Variants in TOX observed in about 807,000 individuals in gnomAD.
TOX encodes the protein thymocyte selection associated high mobility group box, also known as thymocyte selection-associated high mobility group box protein TOX.
In TOX, 11 loss-of-function variants were observed where a neutral mutation model predicts 53.7. That is an observed-to-expected ratio of 0.20 (90% CI 0.13 to 0.34). TOX has a LOEUF of 0.34. Ranked by LOEUF, TOX falls within the 10% of genes least tolerant of loss-of-function variation. TOX has a pLI of 1.00. For missense variants in TOX, 570 were observed against 664.6 expected, an observed-to-expected ratio of 0.86 and a Z score of 1.56; for synonymous variants, 225 against 245.3, an observed-to-expected ratio of 0.92 and a Z score of 0.77.
At chr8:58,967,675 G>A (rs1812929821) in intron 1 of TOX, among the ~76,000 whole-genome samples, 1 of 152,192 alleles carries the variant, frequency 6.6e-6, no homozygotes, top group South Asian at 2.1e-4. Context: ...GATGTCCTCT[G>A]TAGCACCTCT....
Position 59,118,513 on chromosome 8 carries a change from A to G in TOX, c.102+373T>C, listed in dbSNP as rs1283127869. 6.6e-6 allele frequency among the ~76,000 whole-genome samples: 1 copy of G among 152,186 alleles called. No individual in the cohort carries two copies. Among genetic ancestry groups the G allele is most frequent in the East Asian group, 1.9e-4 (1 of 5,180 alleles). ...GGGAGAGAGAAGGGGGAACTGGGAA[A>G]TAAACTGAATTCTCTTACTCTGCCT... is the stretch of plus-strand genomic sequence containing the variant. On this transcript the variant is annotated intron_variant, in intron 1 of 8. Transcript: ENST00000361421. The surrounding 1 kb of genome is among the most constrained non-coding windows in gnomAD (Gnocchi z 4.1).
intron 1 of TOX, among the ~76,000 whole-genome samples, chr8:59,007,016 T>A (rs1040242988): frequency 6.6e-6 from 1 of 152,188 alleles, no homozygotes; most frequent in East Asian, 1.9e-4. Context: ...ATGGATTGAA[T>A]CCTGTTGAAA....
chr8:59,092,359 A>C (rs1476673489), intron 1 of TOX, among the ~76,000 whole-genome samples: 1 of 127,864 alleles, frequency 7.8e-6, no homozygotes, highest in Non-Finnish European at 1.5e-5. Context: ...TATATATTAT[A>C]TATATATAAT....
At chr8:58,978,606 T>C (rs908146853) in intron 1 of TOX, among the ~76,000 whole-genome samples, 8 of 152,194 alleles carry the variant, frequency 5.3e-5, no homozygotes, top group Non-Finnish European at 1.2e-4. Flanking sequence ...TAAGAGCAGC[T>C]TTAGGTACAC....
chr8:58,948,060 G>A (rs567305865), intron 2 of TOX, among the ~76,000 whole-genome samples: 1 of 152,326 alleles, frequency 6.6e-6, no homozygotes, highest in African/African-American at 2.4e-5. Flanking sequence ...TGAAAAGCCA[G>A]TGTGCAAAGC....
At chr8:58,844,612 G>C (rs903038057) in intron 4 of TOX, among the ~76,000 whole-genome samples, 16 of 152,030 alleles carry the variant, frequency 1.1e-4, no homozygotes, top group African/African-American at 2.7e-4. Flanking sequence ...TTCTGCTCTG[G>C]TATTCTACAG....
chr8:58,926,764 G>A (rs578113812), intron 3 of TOX, among the ~76,000 whole-genome samples: 41 of 152,288 alleles, frequency 2.7e-4, no homozygotes, highest in Middle Eastern at 3.4e-3. Flanking sequence ...GGTAAATGGC[G>A]GAGACCCCAA....
At chr8:58,847,705 C>G (rs1810741061) in intron 4 of TOX, among the ~76,000 whole-genome samples, 1 of 152,040 alleles carries the variant, frequency 6.6e-6, no homozygotes, top group South Asian at 2.1e-4. Flanking sequence ...CACATATCAC[C>G]ATGAAGCTGC....
intron 1 of TOX, among the ~76,000 whole-genome samples, chr8:59,027,847 G>T (rs974430256): frequency 6.6e-6 from 1 of 152,092 alleles, no homozygotes; most frequent in African/African-American, 2.4e-5. Flanking sequence ...CATGGTAATA[G>T]GTCCTTTCTT....
chr8:58,975,327 C>T (rs1202286843), intron 1 of TOX, among the ~76,000 whole-genome samples: 2 of 151,548 alleles, frequency 1.3e-5, no homozygotes, highest in Admixed American at 1.3e-4. Context: ...ATAAAGTCAT[C>T]GTTTCAATTT....
intron 1 of TOX, among the ~76,000 whole-genome samples, chr8:59,024,791 C>A (rs189914938): frequency 6.6e-6 from 1 of 151,878 alleles, no homozygotes. Flanking sequence ...GAAAAGCGGC[C>A]GTGTGATTAT....
chr8:58,977,858 C>A (rs969010542), intron 1 of TOX, among the ~76,000 whole-genome samples: 1 of 152,036 alleles, frequency 6.6e-6, no homozygotes, highest in East Asian at 1.9e-4. Flanking sequence ...CATCAAAGAC[C>A]ACTAATCACA....
At chr8:59,060,373 A>G (rs1276407630) in intron 1 of TOX, among the ~76,000 whole-genome samples, 2 of 152,228 alleles carry the variant, frequency 1.3e-5, no homozygotes, top group Non-Finnish European at 2.9e-5. Flanking sequence ...CACGCCCGTA[A>G]TCCTGGCACT....
intron 1 of TOX, among the ~76,000 whole-genome samples, chr8:59,103,563 C>T (rs2129424526): frequency 6.6e-6 from 1 of 152,306 alleles, no homozygotes; most frequent in South Asian, 2.1e-4. Context: ...CCTTAGCCTT[C>T]TAAGACCTAT....
At chr8:58,992,901 T>C (rs1585948164) in intron 1 of TOX, 1 of 152,198 alleles carries the variant, frequency 6.6e-6, no homozygotes, top group Non-Finnish European at 1.5e-5. Flanking sequence ...TATTTTCATT[T>C]TGTGAAATCC....
intron 1 of TOX, among the ~76,000 whole-genome samples, chr8:58,977,276 C>A (rs1361577630): frequency 6.6e-6 from 1 of 152,166 alleles, no homozygotes; most frequent in Non-Finnish European, 1.5e-5. Flanking sequence ...ACTCATGAAC[C>A]AACCTCTGCT....
In TOX at chr8:58,929,048, C is replaced by T. The variant is rs78669081; in HGVS notation, c.411+10254G>A. 8.0e-4 allele frequency among the ~76,000 whole-genome samples: 122 copies of T among 151,972 alleles called. 2 individuals carry two copies. The East Asian group carries it at 0.021, about 26-fold the overall frequency. Reference sequence around the variant, plus strand: ...GTAACACATTTTGAGAGGGTTTTTGCCTATCAAAAATAAAAATGCTACCCT... The same window carrying T: ...GTAACACATTTTGAGAGGGTTTTTGTCTATCAAAAATAAAAATGCTACCCT... On this transcript the variant is annotated intron_variant, in intron 3 of 8. Coordinates refer to ENST00000361421, the MANE Select transcript of TOX (RefSeq NM_014729.3).
intron 4 of TOX, among the ~76,000 whole-genome samples, chr8:58,844,709 G>T (rs370073372): frequency 1.4e-4 from 22 of 152,062 alleles, no homozygotes; most frequent in African/African-American, 4.8e-4. Flanking sequence ...CTAAAACATG[G>T]CTGAGCTGAG....
chr8:58,809,646 G>A (rs944511142), intron 7 of TOX, among the ~76,000 whole-genome samples: 3 of 152,128 alleles, frequency 2.0e-5, no homozygotes, highest in Admixed American at 6.5e-5. Flanking sequence ...GCTTGTTTAC[G>A]GAAAATAAGT....
Sources: gnomAD v4.1 joint callset for allele counts (sites outside exome capture counted in the v4.1 genomes callset) on GRCh38, gnomAD v4.1.1 for gene constraint, Gnocchi (gnomAD v3.1) non-coding constraint, MANE v1.5 for transcripts, NCBI Gene and HGNC (gene_info 2026-07-23, HGNC 2026-07-21) for gene names.